The following TENM2 variants were observed in gnomAD, a reference collection of about 807,000 sequenced individuals.
The protein encoded by TENM2 is teneurin-2.
TENM2 carries 52 observed loss-of-function variants against 245.2 expected under a neutral mutation model. The observed-to-expected ratio is 0.21, with a 90% CI of 0.17 to 0.27. The LOEUF is 0.27. Among genes scored for constraint, TENM2 ranks in the 10% least tolerant of loss-of-function variants. The pLI, the probability that TENM2 is intolerant of heterozygous loss-of-function variation, is 1.00. For missense variants in TENM2, 3,046 were observed against 3,666.8 expected, an observed-to-expected ratio of 0.83 and a Z score of 4.37; for synonymous variants, 1,363 against 1,438.9, an observed-to-expected ratio of 0.95 and a Z score of 1.19.
At chr5:167,052,074 C>A in the TENM2 span, among the ~76,000 whole-genome samples, 1 of 152,100 alleles carries the variant, frequency 6.6e-6, no homozygotes, top group African/African-American at 2.4e-5. Flanking sequence ...CATGTCCTCT[C>A]TATATAATGA....
At chr5:167,613,877 G>A (rs1189799339) in intron 2 of TENM2, among the ~76,000 whole-genome samples, 1 of 151,916 alleles carries the variant, frequency 6.6e-6, no homozygotes, top group African/African-American at 2.4e-5. Flanking sequence ...ATGTAGAAAT[G>A]ACTAATTTTA....
At chr5:167,765,135 A>T (rs979912884) in intron 2 of TENM2, among the ~76,000 whole-genome samples, 1 of 152,202 alleles carries the variant, frequency 6.6e-6, no homozygotes, top group Non-Finnish European at 1.5e-5. Context: ...GGGTGTCACT[A>T]TGCTCACTGA....
intron 2 of TENM2, among the ~76,000 whole-genome samples, chr5:167,807,182 G>A (rs1766264626): frequency 1.4e-5 from 2 of 140,232 alleles, no homozygotes; most frequent in South Asian, 2.3e-4. Flanking sequence ...TTTGTCAGTC[G>A]GGATATTCCA....
In TENM2 at chr5:168,203,617, C is replaced by T. The variant is rs577611977; in HGVS notation, c.3431-72C>T. 3.9e-5 allele frequency: 55 copies of T among 1,419,508 alleles called. No individual in the cohort carries two copies. In the South Asian group the frequency reaches 8.0e-4, roughly 21 times the overall value. 87.9% of individuals were successfully genotyped at this position (1,419,508 alleles called of 1,614,324 possible). Reference sequence around the variant, plus strand: ...TGCGAACACGTGCTTCTCATTCTTGCTACAGAGCTCTGGAGTAATCAAGTA... The same window carrying T: ...TGCGAACACGTGCTTCTCATTCTTGTTACAGAGCTCTGGAGTAATCAAGTA... On this transcript the variant is annotated intron_variant, in intron 17 of 28. Transcript: ENST00000518659.
the TENM2 span, among the ~76,000 whole-genome samples, chr5:167,047,944 G>A: frequency 2.5e-5 from 3 of 118,846 alleles, no homozygotes; most frequent in South Asian, 7.4e-4. Context: ...CAGAAGAAAG[G>A]CCCTATAGCA....
At chr5:167,274,071 C>T in the TENM2 span, among the ~76,000 whole-genome samples, 1 of 152,088 alleles carries the variant, frequency 6.6e-6, no homozygotes, top group Non-Finnish European at 1.5e-5. Context: ...AAGAGACTGA[C>T]ACTGATACAG....
chr5:167,876,055 C>T, exon 3 of TENM2: 2 of 1,551,536 alleles, frequency 1.3e-6, no homozygotes, highest in Non-Finnish European at 1.7e-6. Flanking sequence ...TCCCATAATC[C>T]TCCACCAGTT....
At chr5:167,991,513 TG>T (rs1783663828) in intron 4 of TENM2, among the ~76,000 whole-genome samples, 1 of 152,230 alleles carries the variant, frequency 6.6e-6, no homozygotes, top group Admixed American at 6.5e-5. Flanking sequence ...TTTGAAGTCT[TG>T]TAAGTGGCAT....
chr5:167,837,654 A>G (rs767088414), intron 2 of TENM2, among the ~76,000 whole-genome samples: 46 of 152,328 alleles, frequency 3.0e-4, no homozygotes, highest in Non-Finnish European at 5.9e-4. Flanking sequence ...CCATATTCTT[A>G]TTTGCACAGT....
At chr5:167,640,842 CATATATAT>C (rs60136419) in intron 2 of TENM2, among the ~76,000 whole-genome samples, 1 of 75,488 alleles carries the variant, frequency 1.3e-5, no homozygotes, top group Non-Finnish European at 2.8e-5. Flanking sequence ...TATATATATC[CATATATAT>C]ATATATATCC....
rs116435119 is a variant in TENM2, at chr5:167,345,474, T to C, written c.227-29724T>C. On this transcript the variant is annotated intron_variant, in intron 1 of 28. Transcript: ENST00000518659. ...ACAGAGATGACAGAAAGAAAATTGG[T>C]ATCAAAAAGAAAAGATTTTATTTAA... 3.1e-3 allele frequency among the ~76,000 whole-genome samples: 473 copies of C among 152,332 alleles called. 2 individuals are homozygous for C. Among genetic ancestry groups the C allele is most frequent in the Non-Finnish European group, 5.2e-3 (355 of 68,022 alleles).
the TENM2 span, among the ~76,000 whole-genome samples, chr5:167,242,598 C>CTT: frequency 6.6e-6 from 1 of 152,104 alleles, no homozygotes; most frequent in Admixed American, 6.5e-5. Flanking sequence ...AGGATGAAGA[C>CTT]CTTTATGATG....
At chr5:167,348,223 A>G (rs1203767816) in intron 1 of TENM2, among the ~76,000 whole-genome samples, 2 of 152,220 alleles carry the variant, frequency 1.3e-5, no homozygotes, top group Admixed American at 1.3e-4. Context: ...ACTTAATAAT[A>G]CATAACGAAT....
chr5:168,057,708 A>G (rs1183872497), intron 6 of TENM2, among the ~76,000 whole-genome samples: 1 of 152,214 alleles, frequency 6.6e-6, no homozygotes, highest in Admixed American at 6.5e-5. Context: ...AGGCAAATTA[A>G]GCATTTGCTC....
intron 6 of TENM2, among the ~76,000 whole-genome samples, chr5:168,053,592 G>A (rs1432065280): frequency 6.6e-6 from 1 of 152,118 alleles, no homozygotes; most frequent in Non-Finnish European, 1.5e-5. Flanking sequence ...AAAAATGATA[G>A]TATAACAACT....
rs758474212 is a variant in TENM2 at position 168,247,821 on chromosome 5, C to T, written c.6882C>T (p.Ser2294=). The change falls in exon 27 of 29, where the codon AGC becomes AGT. Residue 2294 remains serine (S), a synonymous_variant. Transcript: ENST00000518659. The surrounding 1 kb of genome is among the most constrained non-coding windows in gnomAD (Gnocchi z 7.8). ...TAACAAGAGCCTACAACAAGGCCAGCGGGTGGAGTGTCCAGTACCGCTATG... is the reference window on the plus strand; with the variant it reads ...TAACAAGAGCCTACAACAAGGCCAGTGGGTGGAGTGTCCAGTACCGCTATG... The T allele has an allele frequency of 4.6e-5, 74 of 1,613,862 alleles. No homozygotes were observed. The highest frequency in any genetic ancestry group is 1.5e-4 in the African/African-American group (11 of 74,922).
chr5:167,267,565 C>T, the TENM2 span, among the ~76,000 whole-genome samples: 2,552 of 152,194 alleles, frequency 0.017, 60 homozygotes, highest in African/African-American at 0.054. Context: ...AACTGTCTCC[C>T]GCAGAACCTT....
chr5:167,030,869 T>A, the TENM2 span, among the ~76,000 whole-genome samples: 1 of 152,140 alleles, frequency 6.6e-6, no homozygotes, highest in Non-Finnish European at 1.5e-5. Flanking sequence ...CCTCTCACTT[T>A]CTGCAGGGCT....
At chr5:167,907,846 A>C (rs180680009) in intron 3 of TENM2, among the ~76,000 whole-genome samples, 6 of 152,108 alleles carry the variant, frequency 3.9e-5, no homozygotes, top group South Asian at 2.1e-4. Flanking sequence ...ACCTTGCATT[A>C]ATAACCATGC....
Sources: gnomAD v4.1 joint callset for allele counts (sites outside exome capture counted in the v4.1 genomes callset) on GRCh38, gnomAD v4.1.1 for gene constraint, Gnocchi (gnomAD v3.1) non-coding constraint, MANE v1.5 for transcripts, NCBI Gene and HGNC (gene_info 2026-07-23, HGNC 2026-07-21) for gene names.